The following ZNF222 variants were observed in gnomAD, a reference collection of about 807,000 sequenced individuals.
ZNF222 encodes zinc finger protein 222.
In ZNF222, 8 loss-of-function variants were observed where a neutral mutation model predicts 11.6. The ratio of observed to expected loss-of-function variants is 0.69; its 90% CI spans 0.41 to 1.25. The LOEUF (loss-of-function observed/expected upper bound fraction) is 1.25. ZNF222 is among the 50% of genes most tolerant of loss of function. The probability of loss-of-function intolerance (pLI) is 0.01; values close to 1 mark genes in which losing one functional copy is unlikely to be tolerated. For synonymous variants in ZNF222, 171 were observed against 195.6 expected, an observed-to-expected ratio of 0.87 and a Z score of 1.05; for missense variants, 483 against 576.1, an observed-to-expected ratio of 0.84 and a Z score of 1.65.
chr19:44,027,374 G>A (rs1173487894), intron 2 of ZNF222, 24 bp from the exon 3 acceptor site: 1 of 1,599,588 alleles, frequency 6.3e-7, no homozygotes, highest in Non-Finnish European at 8.6e-7. Context: ...TTGGGATTAA[G>A]CATGTGACTT....
At position 44,032,319 on chromosome 19, in the gene ZNF222, A is replaced by G; in HGVS notation, c.765A>G (p.Ala255=). ...QCGKGFRCRS[A]LKVHCKLHMR... is the part of the protein sequence containing the mutation. ...GGAAAGGCTTCAGATGTAGATCAGC[A>G]CTTAAAGTTCATTGCAAATTACACA... is the stretch of plus-strand genomic sequence containing the variant. Residue 255 remains alanine, a synonymous_variant, in exon 4 of 4, where the codon GCA becomes GCG. Coordinates refer to ENST00000391960, the MANE Select transcript of ZNF222 (RefSeq NM_001129996.2). 6.2e-7 allele frequency: 1 copy of G among 1,614,112 alleles called. No individual in the cohort carries two copies. Among genetic ancestry groups the G allele is most frequent in the Non-Finnish European group, 8.5e-7 (1 of 1,180,010 alleles).
chr19:44,032,740 C>G lies in ZNF222; in HGVS notation c.1186C>G (p.Leu396Val). 5 of 1,614,198 alleles carry G rather than the reference C, an allele frequency of 3.1e-6. No individual in the cohort carries two copies. Among genetic ancestry groups the G allele is most frequent in the Non-Finnish European group, 4.2e-6 (5 of 1,180,050 alleles). Reference protein sequence around the residue: ...CGKGYISKSGLDFHHRTHTGE... With the variant: ...CGKGYISKSGVDFHHRTHTGE... ...GAAGGGCTACATTAGTAAGTCAGGT[C>G]TTGACTTCCACCATAGAACCCACAC... The change falls in exon 4 of 4, where the codon CTT becomes GTT. Residue 396 changes from leucine to valine, a missense_variant. Transcript: ENST00000391960.
At position 44,032,410 on chromosome 19, in the gene ZNF222, A is replaced by C. The variant is rs781556421; in HGVS notation, c.856A>C (p.Lys286Gln). The change falls in exon 4 of 4, where the codon AAA (lysine) becomes CAA (glutamine). Residue 286 changes from lysine to glutamine, a missense_variant. Physicochemically the swap from Lys to Gln is moderately conservative, Grantham distance 53 (BLOSUM62 1). Transcript: ENST00000391960. ...TTTCATGCACAATTTCCAGCTTCAG[A>C]AACATCACAGAATTCATACTGGGGA... ...KAFMHNFQLQ[K>Q]HHRIHTGEKP... The C allele has an allele frequency of 6.2e-7, 1 of 1,614,218 alleles. No individual in the cohort carries two copies. The highest frequency in any genetic ancestry group is 8.5e-7 in the Non-Finnish European group (1 of 1,180,046).
chr19:44,027,236 A>T (rs1258058806), intron 2 of ZNF222, 87 bp downstream of exon 2: 2 of 1,592,774 alleles, frequency 1.3e-6, no homozygotes, highest in East Asian at 4.5e-5. Context: ...GTGTGCAGTG[A>T]GAACCTACAT....
intron 1 of ZNF222, chr19:44,026,031 C>T: frequency 6.2e-7 from 1 of 1,612,332 alleles, no homozygotes. Flanking sequence ...CCCAGCCCGA[C>T]CTTTCTAAAA....
chr19:44,026,407 CG>C (rs559541993), intron 1 of ZNF222, among the ~76,000 whole-genome samples: 1 of 151,948 alleles, frequency 6.6e-6, no homozygotes, highest in Non-Finnish European at 1.5e-5. Context: ...AGGTGGAGAA[CG>C]TAAGTTAGGA....
At chr19:44,026,196 TA>T (rs1208572127) in intron 1 of ZNF222, 3 of 1,130,214 alleles carry the variant, frequency 2.7e-6, no homozygotes, top group African/African-American at 1.6e-5. Context: ...CCTTAATTGG[TA>T]ACTTTATTCC....
At chr19:44,026,769 C>A (rs1350528472) in intron 1 of ZNF222, among the ~76,000 whole-genome samples, 1 of 152,138 alleles carries the variant, frequency 6.6e-6, no homozygotes, top group Non-Finnish European at 1.5e-5. Context: ...GATAGCATCT[C>A]AGTAAATGTC....
chr19:44,027,699 C>T (rs2147443494), intron 3 of ZNF222, among the ~76,000 whole-genome samples: 1 of 151,900 alleles, frequency 6.6e-6, no homozygotes, highest in East Asian at 1.9e-4. Context: ...GTCACATTGC[C>T]ATTCCTCAGC....
At chr19:44,026,362 C>T (rs1345525768) in intron 1 of ZNF222, among the ~76,000 whole-genome samples, 2 of 152,020 alleles carry the variant, frequency 1.3e-5, no homozygotes, top group Admixed American at 1.3e-4. Flanking sequence ...CTCTTGAATG[C>T]AATTCTCATT....
chr19:44,032,565 G>A lies in ZNF222; in HGVS notation c.1011G>A (p.Arg337=). ...AGTATGGAAGAGGTTTCATTGATAG[G>A]CTAGATTTGCATAAGCATCAGATGA... The part of the protein sequence containing the change: ...SEKYGRGFID[R]LDLHKHQMIH... Residue 337 remains arginine (R), a synonymous_variant, in exon 4 of 4, where the codon AGG becomes AGA. Transcript: ENST00000391960. 3.7e-6 allele frequency: 6 copies of A among 1,614,146 alleles called. No individual in the cohort carries two copies. Among genetic ancestry groups the A allele is most frequent in the Non-Finnish European group, 5.1e-6 (6 of 1,180,032 alleles).
At chr19:44,027,353 C>T (rs1441295748) in intron 2 of ZNF222, 45 bp from the exon 3 acceptor site, 1 of 1,575,476 alleles carries the variant, frequency 6.3e-7, no homozygotes, top group African/African-American at 1.3e-5. Flanking sequence ...CATGATATTA[C>T]CTTGAACATG....
chr19:44,030,291 T>A (rs1308464903), intron 3 of ZNF222, among the ~76,000 whole-genome samples: 21 of 152,226 alleles, frequency 1.4e-4, no homozygotes, highest in Admixed American at 1.4e-3. Flanking sequence ...AGTATTTTTA[T>A]ACATGTGTAA....
At position 44,025,744 on chromosome 19, in the gene ZNF222, A is replaced by G. The variant is rs1330897833; in HGVS notation, c.42+266A>G. Among the ~76,000 whole-genome samples, 1 of 152,016 alleles carries G rather than the reference A, an allele frequency of 6.6e-6. No individual in the cohort carries two copies. Among genetic ancestry groups the G allele is most frequent in the African/African-American group, 2.4e-5 (1 of 41,384 alleles). On this transcript the variant is annotated intron_variant, in intron 1 of 3. Transcript: ENST00000391960. The surrounding 1 kb of genome is among the most constrained non-coding windows in gnomAD (Gnocchi z 4.6). ...CTTTTCGGACCATCCTAATGGATTC[A>G]TTTTGGGACCTGAAAGAGGTAACAC...
rs1397104014 is a variant in ZNF222 at position 44,025,516 on chromosome 19, A to G, written c.42+38A>G. The G allele has an allele frequency of 2.0e-6, 3 of 1,530,272 alleles. No homozygotes were observed. The African/African-American group carries it at 4.2e-5, about 21-fold the overall frequency. The allele number at this position is 1,530,272 out of a possible 1,614,324, so 94.8% of individuals were successfully genotyped here. On this transcript the variant is annotated intron_variant, in intron 1 of 3. Coordinates refer to ENST00000391960, the MANE Select transcript of ZNF222 (RefSeq NM_001129996.2). The surrounding 1 kb of genome is among the most constrained non-coding windows in gnomAD (Gnocchi z 4.6). Reference sequence around the variant, plus strand: ...GCGGGCGGGGATTGCCGTTCCAGTCAGCTGAGCCTTCTGGCGTCGGGGGGC... The same window carrying G: ...GCGGGCGGGGATTGCCGTTCCAGTCGGCTGAGCCTTCTGGCGTCGGGGGGC...
chr19:44,027,166 C>T lies in ZNF222; in HGVS notation c.169+17C>T, dbSNP rs1976395800. 2.5e-6 allele frequency: 4 copies of T among 1,613,218 alleles called. No individual in the cohort carries two copies. In the African/African-American group the frequency reaches 5.3e-5, roughly 22 times the overall value. On this transcript the variant is annotated intron_variant, in intron 2 of 3. Coordinates refer to ENST00000391960, the MANE Select transcript of ZNF222 (RefSeq NM_001129996.2). The stretch of plus-strand genomic sequence containing the variant: ...TCTCAGTGGGTGAGGACGGGCACCC[C>T]CTGTAATGGAATGTCAGGCCCCAGG...
At chr19:44,028,245 G>A (rs1976423886) in intron 3 of ZNF222, 2 of 398,788 alleles carry the variant, frequency 5.0e-6, no homozygotes, top group Non-Finnish European at 8.8e-6. Flanking sequence ...GGATGATTCA[G>A]GATGACCCTC....
At position 44,025,465 on chromosome 19, in the gene ZNF222, G is replaced by C. The variant is rs780053078; in HGVS notation, c.29G>C (p.Gly10Ala). The change falls in exon 1 of 4, where the codon GGG becomes GCG. Residue 10 changes from glycine to alanine, a missense_variant. Physicochemically the swap from Gly to Ala is moderately conservative, Grantham distance 60. Coordinates refer to ENST00000391960, the MANE Select transcript of ZNF222 (RefSeq NM_001129996.2). This position sits in a 1 kb window ranked among gnomAD's most constrained non-coding sequence, Gnocchi z 4.6. The stretch of plus-strand genomic sequence containing the variant: ...ATCGATTCAGGAGAAAAGAAGCCTG[G>C]GCGGAGAGCAGAGGTTTGGAGGGGC... MIDSGEKKP[G>A]RRAEEAVTFK... 1.3e-6 allele frequency: 2 copies of C among 1,550,678 alleles called. No individual in the cohort carries two copies. The highest frequency in any genetic ancestry group is 1.7e-6 in the Non-Finnish European group (2 of 1,146,628).
At chr19:44,031,189 T>C (rs1568504339) in intron 3 of ZNF222, 1 of 152,286 alleles carries the variant, frequency 6.6e-6, no homozygotes, top group Non-Finnish European at 1.5e-5. Flanking sequence ...CCACACAAAA[T>C]TTTAGACTGA....
Sources: allele counts gnomAD v4.1 joint callset (sites outside exome capture counted in the v4.1 genomes callset), GRCh38; gene constraint gnomAD v4.1.1; non-coding constraint Gnocchi (gnomAD v3.1); transcripts MANE v1.5; gene names NCBI Gene and HGNC (gene_info 2026-07-23, HGNC 2026-07-21).